The following TRABD2A variants were observed in gnomAD, a reference collection of about 807,000 sequenced individuals.
TRABD2A encodes the protein TraB domain containing 2A, also known as metalloprotease TIKI1.
A neutral mutation model predicts 45.6 loss-of-function variants in TRABD2A; 43 were observed. That is an observed-to-expected ratio of 0.94 (90% CI 0.74 to 1.22). TRABD2A has a LOEUF of 1.22. Among genes scored for constraint, TRABD2A ranks in the 50% most tolerant of loss-of-function variants. TRABD2A has a pLI of 0.00. For missense variants in TRABD2A, 642 were observed against 652.4 expected, an observed-to-expected ratio of 0.98 and a Z score of 0.17; for synonymous variants, 269 against 265.0, an observed-to-expected ratio of 1.02 and a Z score of -0.15.
At chr2:84,822,941 T>C (rs1318552882) in intron 6 of TRABD2A, among the ~76,000 whole-genome samples, 1 of 152,232 alleles carries the variant, frequency 6.6e-6, no homozygotes, top group Admixed American at 6.5e-5. Flanking sequence ...TCAGCTTCTT[T>C]AACGCAATCG....
intron 2 of TRABD2A, among the ~76,000 whole-genome samples, chr2:84,851,792 G>T (rs1027486397): frequency 6.6e-6 from 1 of 152,228 alleles, no homozygotes; most frequent in Admixed American, 6.5e-5. Flanking sequence ...GAACTGTAAT[G>T]GTGCTCTGCT....
chr2:84,855,176 A>G (rs2105394275), intron 2 of TRABD2A, among the ~76,000 whole-genome samples: 1 of 152,304 alleles, frequency 6.6e-6, no homozygotes, highest in South Asian at 2.1e-4. Flanking sequence ...GAAAATGCTC[A>G]TCTTTATAGG....
intron 3 of TRABD2A, among the ~76,000 whole-genome samples, chr2:84,841,096 G>A (rs1019467247): frequency 1.3e-5 from 2 of 152,172 alleles, no homozygotes; most frequent in Admixed American, 6.5e-5. Flanking sequence ...AGTCCTGGGT[G>A]GGGGAAACAA....
chr2:84,836,389 G>A (rs954185241), intron 4 of TRABD2A: 6 of 152,168 alleles, frequency 3.9e-5, no homozygotes, highest in African/African-American at 1.4e-4. Flanking sequence ...CTTCTGGCTT[G>A]CATGGCTTCT....
At chr2:84,853,218 A>G (rs1207723680) in intron 2 of TRABD2A, among the ~76,000 whole-genome samples, 1 of 151,990 alleles carries the variant, frequency 6.6e-6, no homozygotes, top group African/African-American at 2.4e-5. Context: ...ACACCATGTG[A>G]TGCCAAAGGC....
intron 6 of TRABD2A, among the ~76,000 whole-genome samples, chr2:84,823,210 C>T (rs954150872): frequency 6.6e-6 from 1 of 152,158 alleles, no homozygotes; most frequent in African/African-American, 2.4e-5. Flanking sequence ...ACCTCCAACA[C>T]ACACACACAT....
chr2:84,866,313 T>A (rs745442582), intron 2 of TRABD2A, among the ~76,000 whole-genome samples: 1 of 152,166 alleles, frequency 6.6e-6, no homozygotes, highest in Non-Finnish European at 1.5e-5. Context: ...CAGGCTGTTC[T>A]CCATATGGTA....
intron 4 of TRABD2A, chr2:84,835,120 T>C (rs1681457120): frequency 6.6e-6 from 1 of 152,134 alleles, no homozygotes. Flanking sequence ...ACCACAACAA[T>C]AGGACTCCAG....
intron 4 of TRABD2A, chr2:84,833,572 C>T (rs1681408213): frequency 1.3e-5 from 2 of 152,152 alleles, no homozygotes; most frequent in Admixed American, 1.3e-4. Flanking sequence ...CAGTTATCCT[C>T]ATTTTGCAAT....
At chr2:84,850,350 C>T (rs1682037977) in intron 2 of TRABD2A, among the ~76,000 whole-genome samples, 1 of 152,132 alleles carries the variant, frequency 6.6e-6, no homozygotes, top group Non-Finnish European at 1.5e-5. Flanking sequence ...AATAGTATTC[C>T]TCACCCTTCC....
In TRABD2A at chr2:84,864,009, A is replaced by AT. The variant is rs532572108; in HGVS notation, c.669+6215dup. Among the ~76,000 whole-genome samples the AT allele has an allele frequency of 1.5e-3, 226 of 148,096 alleles. 1 individual carries two copies. Among genetic ancestry groups the AT allele is most frequent in the African/African-American group, 1.7e-3 (70 of 40,706 alleles). ...AAGTCATCTATGAGCATCATAGTCAATTTTTTTTTTTTAATGAGATCTCCT... is the reference window on the plus strand; with the variant it reads ...AAGTCATCTATGAGCATCATAGTCAATTTTTTTTTTTTTAATGAGATCTCCT... On this transcript the variant is annotated intron_variant, in intron 2 of 6. Transcript: ENST00000409520.
intron 2 of TRABD2A, among the ~76,000 whole-genome samples, chr2:84,858,987 C>T (rs913550726): frequency 2.0e-5 from 3 of 152,122 alleles, no homozygotes; most frequent in African/African-American, 7.2e-5. Flanking sequence ...TTTTTAAAAA[C>T]CTGCATCACA....
At chr2:84,848,837 G>A (rs1047781807) in intron 2 of TRABD2A, among the ~76,000 whole-genome samples, 2 of 151,984 alleles carry the variant, frequency 1.3e-5, no homozygotes, top group Non-Finnish European at 2.9e-5. Flanking sequence ...GCCTCCCAAA[G>A]TGCTGGGATT....
At chr2:84,832,172 G>C in intron 4 of TRABD2A, 27 bp from the exon 5 acceptor site, 1 of 1,609,494 alleles carries the variant, frequency 6.2e-7, no homozygotes, top group Non-Finnish European at 8.5e-7. Flanking sequence ...AACCTGAAAT[G>C]CTGCAGCTCT....
At chr2:84,871,044 A>C (rs772050449) in intron 1 of TRABD2A, among the ~76,000 whole-genome samples, 10 of 152,254 alleles carry the variant, frequency 6.6e-5, no homozygotes, top group Non-Finnish European at 1.2e-4. Flanking sequence ...GCTTTAAAAG[A>C]AGCATCTCTG....
At chr2:84,827,304 G>C (rs1681178533) in intron 5 of TRABD2A, among the ~76,000 whole-genome samples, 1 of 152,174 alleles carries the variant, frequency 6.6e-6, no homozygotes, top group African/African-American at 2.4e-5. Flanking sequence ...AAACACACTG[G>C]TTGACAAGGA....
At position 84,832,037 on chromosome 2, in the gene TRABD2A, G is replaced by A; in HGVS notation, c.1082+18C>T. On this transcript the variant is annotated intron_variant, in intron 5 of 6. Transcript: ENST00000409520. ...GGGTCTCAGCTCCCCAGCCAAGATAGAAGCACAGGACGGTTACTTGTGGAT... is the reference window on the plus strand; with the variant it reads ...GGGTCTCAGCTCCCCAGCCAAGATAAAAGCACAGGACGGTTACTTGTGGAT... 1.2e-6 allele frequency: 2 copies of A among 1,613,854 alleles called. No individual in the cohort carries two copies. Among genetic ancestry groups the A allele is most frequent in the Non-Finnish European group, 1.7e-6 (2 of 1,179,784 alleles).
chr2:84,835,297 G>A (rs184503543), intron 4 of TRABD2A: 10 of 152,316 alleles, frequency 6.6e-5, no homozygotes, highest in African/African-American at 2.2e-4. Flanking sequence ...CTTAGTCTGT[G>A]TTGCTGTTAC....
rs759252203 is a variant in TRABD2A, at chr2:84,870,780, G to T, written c.114C>A (p.Ser38Arg). The T allele has an allele frequency of 6.4e-7, 1 of 1,573,836 alleles. No individual in the cohort carries two copies. The highest frequency in any genetic ancestry group is 8.6e-7 in the Non-Finnish European group (1 of 1,158,792). ...TANCELKPQQ[S>R]ELNSFLWTIK... The stretch of plus-strand genomic sequence containing the variant: ...TGGTCCACAAGAAGGAATTCAGCTC[G>T]CTTTGCTGAAAAGAAAAGAGGTAAC... The change falls in exon 2 of 7, where the codon AGC (serine) becomes AGA (arginine). Residue 38 changes from serine to arginine, a missense_variant. Transcript: ENST00000409520.
Sources: gnomAD v4.1 joint callset for allele counts (sites outside exome capture counted in the v4.1 genomes callset) on GRCh38, gnomAD v4.1.1 for gene constraint, MANE v1.5 for transcripts, NCBI Gene and HGNC (gene_info 2026-07-23, HGNC 2026-07-21) for gene names.